PDXDC1: variants seen among roughly 807,000 people sequenced by gnomAD.
PDXDC1 encodes the protein pyridoxal dependent decarboxylase domain containing 1.
In PDXDC1, 42 loss-of-function variants were observed where a neutral mutation model predicts 100.1. That is an observed-to-expected ratio of 0.42 (90% confidence interval 0.33 to 0.54). The LOEUF (loss-of-function observed/expected upper bound fraction) is 0.54, where lower values mean the gene tolerates loss of function less well. Among genes scored for constraint, PDXDC1 ranks in the 20% least tolerant of loss-of-function variants. The pLI, the probability that PDXDC1 is intolerant of heterozygous loss-of-function variation, is 0.10. For missense variants in PDXDC1, 636 were observed against 979.2 expected (o/e 0.65, Z 4.68); for synonymous variants, 260 against 371.7 (o/e 0.70, Z 3.46).
chr16:15,132,046 G>GGA (rs2048099011), intron 16 of PDXDC1, among the ~76,000 whole-genome samples: 1 of 11,050 alleles, frequency 9.0e-5, no homozygotes, highest in Non-Finnish European at 2.3e-4. Flanking sequence ...GGAGGATAAG[G>GGA]GGGATAAGAA....
In PDXDC1 at chr16:15,002,466, T is replaced by TA. The variant is rs553559671; in HGVS notation, c.242+611dup. 2.3e-3 allele frequency among the ~76,000 whole-genome samples: 354 copies of TA among 152,390 alleles called. 1 individual carries two copies. The highest frequency in any genetic ancestry group is 4.1e-3 in the Non-Finnish European group (278 of 68,030). On this transcript the variant is annotated intron_variant, in intron 4 of 22. Transcript: ENST00000396410. ...GCTGTGCATCTTGCATTTTTTCACT[T>TA]ATGTCTTGGAGTTCACTGCATATTA...
At chr16:15,022,554 C>A in intron 12 of PDXDC1, 150 bp from the exon 13 acceptor site, 1 of 615,966 alleles carries the variant, frequency 1.6e-6, no homozygotes, top group Non-Finnish European at 2.8e-6. Flanking sequence ...TGTTGAAATA[C>A]AAAAACAGGT....
At chr16:15,076,465 T>C in intron 16 of PDXDC1, 1 of 898,178 alleles carries the variant, frequency 1.1e-6, no homozygotes, top group Non-Finnish European at 1.9e-6. Context: ...TTTTAATTCT[T>C]TCAATCTAAA....
At chr16:15,131,006 A>G (rs541722996) in intron 16 of PDXDC1, 5 of 919,634 alleles carry the variant, frequency 5.4e-6, no homozygotes, top group Middle Eastern at 6.3e-4. Context: ...CACCAGAGAC[A>G]CCCATGGAAG....
intron 16 of PDXDC1, chr16:15,065,488 G>C (rs1597879254): frequency 1.3e-6 from 1 of 752,456 alleles, no homozygotes; most frequent in Non-Finnish European, 2.1e-6. Flanking sequence ...AATATAACAA[G>C]TGCTAGTAAA....
At chr16:14,989,661 G>C (rs1266541600) in intron 1 of PDXDC1, 1 of 1,563,660 alleles carries the variant, frequency 6.4e-7, no homozygotes, top group Non-Finnish European at 8.6e-7. Context: ...CCCGGGGCCG[G>C]CGGCCACGGG....
chr16:15,052,639 G>C (rs1467713823), intron 16 of PDXDC1, among the ~76,000 whole-genome samples: 2 of 152,162 alleles, frequency 1.3e-5, no homozygotes, highest in Non-Finnish European at 2.9e-5. Context: ...TTTCAGACCA[G>C]CCTGGCCAAC....
At chr16:15,141,064 G>C (rs1869364638), downstream of PDXDC1, among the ~76,000 whole-genome samples, 2 of 147,772 alleles carry the variant, frequency 1.4e-5, no homozygotes, top group Non-Finnish European at 3.0e-5. Flanking sequence ...CCATCCCTGA[G>C]CACCCGCCCA....
chr16:15,136,419 G>C, intron 16 of PDXDC1: 1 of 601,960 alleles, frequency 1.7e-6, no homozygotes. Flanking sequence ...AGAGCTGACA[G>C]GAACGGCCCC....
intron 16 of PDXDC1, among the ~76,000 whole-genome samples, chr16:15,102,893 A>G (rs956039934): frequency 6.7e-6 from 1 of 149,276 alleles, no homozygotes; most frequent in African/African-American, 2.6e-5. Context: ...GAGCTGATTG[A>G]GCCATTGCAC....
intron 16 of PDXDC1, among the ~76,000 whole-genome samples, chr16:15,080,978 C>T (rs1317963466): frequency 2.6e-5 from 4 of 151,976 alleles, no homozygotes; most frequent in Non-Finnish European, 4.4e-5. Flanking sequence ...AACATGTAAA[C>T]CATTCCTTTC....
chr16:15,027,607 C>G (rs138840999), intron 14 of PDXDC1, among the ~76,000 whole-genome samples: 6,428 of 150,212 alleles, frequency 0.043, no homozygotes, highest in Non-Finnish European at 0.065. Context: ...AGAAGGGAGA[C>G]AGATTTCCCT....
At chr16:15,030,235 G>A (rs1183360884) in intron 16 of PDXDC1, among the ~76,000 whole-genome samples, 179 bp downstream of exon 16, 1 of 152,236 alleles carries the variant, frequency 6.6e-6, no homozygotes, top group Non-Finnish European at 1.5e-5. Context: ...ACCAGAATCA[G>A]AATGAGAATT....
At chr16:15,133,708 G>A (rs2048216024) in intron 16 of PDXDC1, 30 of 1,604,260 alleles carry the variant, frequency 1.9e-5, no homozygotes, top group Non-Finnish European at 2.5e-5. Flanking sequence ...GCCAGCCTGA[G>A]GGACGGTCCC....
At chr16:15,128,014 C>T in intron 16 of PDXDC1, 1 of 1,599,960 alleles carries the variant, frequency 6.3e-7, no homozygotes. Flanking sequence ...CCTCCTTCTC[C>T]ACCAGGCCCC....
chr16:14,987,239 A>G (rs913912901), intron 1 of PDXDC1, among the ~76,000 whole-genome samples: 2 of 152,298 alleles, frequency 1.3e-5, no homozygotes, highest in Non-Finnish European at 2.9e-5. Context: ...TTAAAATTAA[A>G]CCTTAGTTCT....
chr16:15,093,196 G>A (rs2046208738), intron 16 of PDXDC1, among the ~76,000 whole-genome samples: 3 of 152,134 alleles, frequency 2.0e-5, no homozygotes, highest in Admixed American at 6.6e-5. Context: ...GTAGAGACGA[G>A]GTTTCGCACG....
At chr16:15,144,413 G>T in the PDXDC1 span, among the ~76,000 whole-genome samples, 1 of 152,216 alleles carries the variant, frequency 6.6e-6, no homozygotes, top group Non-Finnish European at 1.5e-5. Context: ...GCCCCGGGCT[G>T]GGCAGACGGC....
At position 15,031,898 on chromosome 16, in the gene PDXDC1, G is replaced by C; in HGVS notation, c.1563G>C (p.Gly521=). The change falls in exon 17 of 23, where the codon GGG becomes GGC. Residue 521 remains glycine (G), a synonymous_variant. Coordinates refer to ENST00000396410, the MANE Select transcript of PDXDC1 (RefSeq NM_015027.4). ...YVDDPNWSGI[G]VVRYEHANDD... The stretch of plus-strand genomic sequence containing the variant: ...ATGACCCTAACTGGTCTGGAATAGG[G>C]GTTGTCAGGTAAAGTCTTGGCCTGC... 2 of 1,606,662 alleles carry C rather than the reference G, an allele frequency of 1.2e-6. No homozygotes were observed. The highest frequency in any genetic ancestry group is 1.7e-6 in the Non-Finnish European group (2 of 1,175,732).
Sources: gnomAD v4.1 joint callset for allele counts (sites outside exome capture counted in the v4.1 genomes callset) on GRCh38, gnomAD v4.1.1 for gene constraint, MANE v1.5 for transcripts, NCBI Gene and HGNC (gene_info 2026-07-23, HGNC 2026-07-21) for gene names.